The following BCOR variants were observed in gnomAD, a reference collection of about 807,000 sequenced individuals.
BCOR encodes BCL6 corepressor.
Under a neutral mutation model 86.7 loss-of-function variants are expected in BCOR, and 10 were observed. The observed-to-expected ratio is 0.12, with a 90% CI of 0.07 to 0.20. The LOEUF (loss-of-function observed/expected upper bound fraction) is 0.20. Among genes scored for constraint, BCOR ranks in the 10% least tolerant of loss-of-function variants. The pLI, the probability that BCOR is intolerant of heterozygous loss-of-function variation, is 1.00. For missense variants in BCOR, 1,259 were observed against 1,452.1 expected (o/e 0.87, Z 2.16); for synonymous variants, 611 against 609.0 (o/e 1.00, Z -0.05).
chrX:40,131,873 T>C lies in BCOR; in HGVS notation c.-41+45134A>G, dbSNP rs895990095. Among the ~76,000 whole-genome samples the C allele has an allele frequency of 7.2e-5, 8 of 111,313 alleles. No individual in the cohort carries two copies. In the Admixed American group the frequency reaches 7.7e-4, roughly 11 times the overall value. ...ATAACAACCCCATGAGATACCGTGG[T>C]GGTTTTAAACACGCCCGCTAGTTAT... On this transcript the variant is annotated intron_variant, in intron 1 of 14. Transcript: ENST00000342274.
intron 1 of BCOR, among the ~76,000 whole-genome samples, chrX:40,106,927 G>C (rs1937199922): frequency 9.1e-6 from 1 of 110,376 alleles, no homozygotes; most frequent in South Asian, 4.1e-4. Flanking sequence ...AGAGGCCCCA[G>C]TGCTCCAGGA....
intron 1 of BCOR, among the ~76,000 whole-genome samples, chrX:40,172,762 G>T (rs1174761884): frequency 8.8e-6 from 1 of 113,143 alleles, no homozygotes; most frequent in African/African-American, 3.2e-5. Flanking sequence ...AGCTCCGCGG[G>T]AGAAGCCCGG....
At chrX:40,110,694 T>C (rs1937293484) in intron 1 of BCOR, among the ~76,000 whole-genome samples, 16 of 28,182 alleles carry the variant, frequency 5.7e-4, no homozygotes, top group Non-Finnish European at 9.2e-4. Flanking sequence ...TTTTTTTTTT[T>C]TTTTTTTTTT....
chrX:40,077,765 C>T (rs1046092912), intron 2 of BCOR, 79 bp downstream of exon 2: 1 of 959,067 alleles, frequency 1.0e-6, no homozygotes, highest in Non-Finnish European at 1.5e-6. Flanking sequence ...TTTGGGCCCA[C>T]GGTGGCTGTG....
At chrX:40,099,067 T>C (rs1389961559), upstream of BCOR, among the ~76,000 whole-genome samples, 1 of 113,383 alleles carries the variant, frequency 8.8e-6, no homozygotes, top group African/African-American at 3.2e-5. Flanking sequence ...AACTTTTGGC[T>C]TACACCGTTC....
chrX:40,053,764 G>A, intron 14 of BCOR, 122 bp downstream of exon 14: 1 of 776,030 alleles, frequency 1.3e-6, no homozygotes, highest in Non-Finnish European at 1.9e-6. Context: ...ATTGTGTGAG[G>A]TTCGTGGACA....
At chrX:40,175,571 C>T (rs1480583005) in intron 1 of BCOR, among the ~76,000 whole-genome samples, 1 of 113,332 alleles carries the variant, frequency 8.8e-6, no homozygotes. Context: ...TACGCTTCCG[C>T]GGCGGGCGAC....
intron 1 of BCOR, among the ~76,000 whole-genome samples, chrX:40,157,312 G>C (rs889220371): frequency 8.9e-6 from 1 of 111,955 alleles, no homozygotes; most frequent in African/African-American, 3.3e-5. Context: ...GGACCACAGA[G>C]GATTAGGCCC....
intron 1 of BCOR, among the ~76,000 whole-genome samples, chrX:40,126,665 G>A (rs1376505184): frequency 2.7e-5 from 3 of 111,590 alleles, no homozygotes; most frequent in African/African-American, 9.7e-5. Context: ...GACCAGCCTG[G>A]TCAACATGGC....
At chrX:40,176,264 C>A (rs1012319810) in intron 1 of BCOR, among the ~76,000 whole-genome samples, 1 of 112,608 alleles carries the variant, frequency 8.9e-6, no homozygotes, top group African/African-American at 3.2e-5. Context: ...CTCGCCCGCT[C>A]TTCCGGGGGA....
At chrX:40,176,347 C>T (rs1405456290) in intron 1 of BCOR, among the ~76,000 whole-genome samples, 1 of 112,812 alleles carries the variant, frequency 8.9e-6, no homozygotes, top group Non-Finnish European at 1.9e-5. Context: ...CAGCCCTCCC[C>T]GGCCTCGGCC....
intron 1 of BCOR, among the ~76,000 whole-genome samples, chrX:40,155,830 G>C (rs1007197416): frequency 1.8e-5 from 2 of 112,906 alleles, no homozygotes; most frequent in Non-Finnish European, 3.8e-5. Flanking sequence ...GCCCGCGTGA[G>C]GCTGACTCGC....
chrX:40,055,996 T>C (rs762851498), intron 11 of BCOR, among the ~76,000 whole-genome samples: 1 of 109,280 alleles, frequency 9.2e-6, no homozygotes, highest in South Asian at 4.0e-4. Flanking sequence ...TAATTTTTTC[T>C]TTTTGTAGGG....
At position 40,163,650 on chromosome X, in the gene BCOR, G is replaced by A. The variant is rs763884591; in HGVS notation, c.-41+13357C>T. 3.2e-5 allele frequency among the ~76,000 whole-genome samples: 3 copies of A among 94,302 alleles called. No homozygotes were observed. The South Asian group carries it at 1.5e-3, about 46-fold the overall frequency. 81.9% of individuals were successfully genotyped at this position (94,302 alleles called of 115,157 possible). A position where few individuals can be genotyped will look rare whatever the true frequency, so the allele number is the denominator to read the frequency against. Reference sequence around the variant, plus strand: ...CCTCCCAAGTGGAAGTAGGATCTCTGTCCCTTCCCCTTGAATCTGGATGGG... The same window carrying A: ...CCTCCCAAGTGGAAGTAGGATCTCTATCCCTTCCCCTTGAATCTGGATGGG... On this transcript the variant is annotated intron_variant, in intron 1 of 14. Transcript: ENST00000342274.
At position 40,052,131 on chromosome X, in the gene BCOR, A is replaced by C. The variant is rs1169697200; in HGVS notation, c.5246T>G (p.Leu1749Arg). The C allele has an allele frequency of 1.7e-6, 2 of 1,198,396 alleles. No individual in the cohort carries two copies. Among genetic ancestry groups the C allele is most frequent in the Non-Finnish European group, 2.3e-6 (2 of 888,780 alleles). The change falls in exon 15 of 15, where the codon CTG becomes CGG. Residue 1749 changes from leucine to arginine, a missense_variant. This residue lies in a region of BCOR where 137 missense variants were observed against 149.8 expected (regional missense o/e 0.91). Transcript: ENST00000378444. ...TGCTCACCAGTAGTTGTCTGAGGCCAGATCACTGGGGTGGAGCCACTCTAC... is the reference window on the plus strand; with the variant it reads ...TGCTCACCAGTAGTTGTCTGAGGCCCGATCACTGGGGTGGAGCCACTCTAC... ...SSVEWLHPSD[L>R]ASDNYW is the part of the protein sequence containing the mutation.
intron 1 of BCOR, among the ~76,000 whole-genome samples, chrX:40,109,655 C>G (rs1428763288): frequency 8.9e-6 from 1 of 111,870 alleles, no homozygotes; most frequent in Non-Finnish European, 1.9e-5. Context: ...CGCGCCTCCC[C>G]AGGTTCTACA....
rs776326095 is a variant in BCOR, at chrX:40,090,746, C to T, written c.-41+6469G>A. ...CCGGGAAGGGGGAGGGGAGAGAGAGCAAGGCGGGAAGGGGGGGACGGGCTG... is the reference window on the plus strand; with the variant it reads ...CCGGGAAGGGGGAGGGGAGAGAGAGTAAGGCGGGAAGGGGGGGACGGGCTG... On this transcript the variant is annotated intron_variant, in intron 1 of 14. Transcript: ENST00000378444. Among the ~76,000 whole-genome samples the T allele has an allele frequency of 3.1e-4, 35 of 112,223 alleles. No homozygotes were observed. In the East Asian group the frequency reaches 9.3e-3, roughly 30 times the overall value.
chrX:40,061,310 C>G (rs1164113183), intron 10 of BCOR, among the ~76,000 whole-genome samples: 1 of 111,662 alleles, frequency 9.0e-6, no homozygotes, highest in Non-Finnish European at 1.9e-5. Context: ...GGGAGCCAGT[C>G]CTGGAGAGGA....
chrX:40,100,381 C>T (rs905855484), upstream of BCOR, among the ~76,000 whole-genome samples: 1 of 112,219 alleles, frequency 8.9e-6, no homozygotes, highest in Non-Finnish European at 1.9e-5. Flanking sequence ...CCTGGCCCGG[C>T]GCCCAGCCAC....
Sources: gnomAD v4.1 joint callset for allele counts (sites outside exome capture counted in the v4.1 genomes callset) on GRCh38, gnomAD v4.1.1 for gene constraint, gnomAD v4.1.1 regional missense constraint, MANE v1.5 for transcripts, NCBI Gene and HGNC (gene_info 2026-07-23, HGNC 2026-07-21) for gene names.